RBM19: variants seen among roughly 807,000 people sequenced by gnomAD.
The protein encoded by RBM19 is RNA binding motif protein 19.
A neutral mutation model predicts 116.8 loss-of-function variants in RBM19; 94 were observed. That is an observed-to-expected ratio of 0.80 (90% CI 0.68 to 0.95). The LOEUF (loss-of-function observed/expected upper bound fraction) is 0.95. Among genes scored for constraint, RBM19 ranks in the 40% least tolerant of loss-of-function variants. The pLI is 0.00. For missense variants in RBM19, 1,161 were observed against 1,220.7 expected, an observed-to-expected ratio of 0.95 and a Z score of 0.73; for synonymous variants, 475 against 494.1, an observed-to-expected ratio of 0.96 and a Z score of 0.51.
rs777329066 is a variant in RBM19, at chr12:113,844,659, C to T, written c.2785+9G>A. On this transcript the variant is annotated intron_variant, in intron 23 of 23. Transcript: ENST00000261741. ...CATGAGTCAGCCCAAAAGACCGTCCCGCTCCTACCGTGAAAGTGAGCGGCC... is the reference window on the plus strand; with the variant it reads ...CATGAGTCAGCCCAAAAGACCGTCCTGCTCCTACCGTGAAAGTGAGCGGCC... The T allele has an allele frequency of 1.2e-5, 20 of 1,608,590 alleles. No homozygotes were observed. The highest frequency in any genetic ancestry group is 4.4e-5 in the South Asian group (4 of 90,086).
chr12:113,915,035 G>T lies in RBM19; in HGVS notation c.2492C>A (p.Thr831Asn). The stretch of plus-strand genomic sequence containing the variant: ...GATGTTCCGCACCAGGATCTTGGAG[G>T]TGGTCTGCTTTCTGGGAACTTGTTT... ...RKKQVPRKQTTSKILVRNIPF... is the reference protein window; with the variant it reads ...RKKQVPRKQTNSKILVRNIPF... Residue 831 changes from threonine to asparagine, a missense_variant, in exon 21 of 24, where the codon ACC becomes AAC. Coordinates refer to ENST00000261741, the MANE Select transcript of RBM19 (RefSeq NM_016196.4). The T allele has an allele frequency of 6.2e-7, 1 of 1,614,240 alleles. No individual in the cohort carries two copies. Among genetic ancestry groups the T allele is most frequent in the African/African-American group, 1.3e-5 (1 of 75,054 alleles).
rs138297444 is a variant in RBM19 at position 113,909,910 on chromosome 12, C to T, written c.2558+5059G>A. ...CATACTTGACTCATCTTTTATCACC[C>T]AGCTGTCAGGCAGGGCTTTTCATCC... On this transcript the variant is annotated intron_variant, in intron 21 of 23. Transcript: ENST00000261741. Among the ~76,000 whole-genome samples, 678 of 152,336 alleles carry T rather than the reference C, an allele frequency of 4.5e-3. 6 individuals are homozygous for T. Among genetic ancestry groups the T allele is most frequent in the African/African-American group, 0.015 (624 of 41,578 alleles).
chr12:113,933,066 C>A (rs138800254), intron 16 of RBM19, among the ~76,000 whole-genome samples: 1 of 152,148 alleles, frequency 6.6e-6, no homozygotes, highest in Non-Finnish European at 1.5e-5. Context: ...GACCTCCCCC[C>A]ACTCTGAGCC....
intron 1 of RBM19, among the ~76,000 whole-genome samples, chr12:113,964,471 C>T (rs138490188): frequency 6.6e-6 from 1 of 152,304 alleles, no homozygotes; most frequent in Non-Finnish European, 1.5e-5. Flanking sequence ...GAGTCAACTA[C>T]ACTGTGAAGT....
chr12:113,830,593 GCT>G, intron 23 of RBM19, among the ~76,000 whole-genome samples: 1 of 58,012 alleles, frequency 1.7e-5, no homozygotes, highest in East Asian at 8.1e-4. Flanking sequence ...GGGGGGGTGG[GCT>G]ATGCCTGGGG....
intron 23 of RBM19, among the ~76,000 whole-genome samples, chr12:113,827,334 C>T (rs73393034): frequency 0.19 from 29,254 of 151,848 alleles, 2,989 homozygotes; most frequent in Middle Eastern, 0.3. Flanking sequence ...AGTCCTGCCC[C>T]CCTCCCCACC....
At chr12:113,844,484 G>A (rs1018016001) in intron 23 of RBM19, among the ~76,000 whole-genome samples, 184 bp downstream of exon 23, 2 of 152,170 alleles carry the variant, frequency 1.3e-5, no homozygotes, top group African/African-American at 2.4e-5. Flanking sequence ...TCCCGGCAGG[G>A]AGTGCCCAAG....
Position 113,963,272 on chromosome 12 carries a change from T to C in RBM19, c.37-858A>G, listed in dbSNP as rs190193412. Among the ~76,000 whole-genome samples the C allele has an allele frequency of 2.7e-3, 405 of 152,320 alleles. 2 individuals are homozygous for C. The highest frequency in any genetic ancestry group is 0.014 in the Middle Eastern group (4 of 294). On this transcript the variant is annotated intron_variant, in intron 1 of 23. Transcript: ENST00000261741. ...CTAACACACTATTATTATAATTTGG[T>C]CAAGAAGCCCCACACTATGGAAAAC... is the stretch of plus-strand genomic sequence containing the variant.
chr12:113,838,836 C>T (rs1876189757), intron 23 of RBM19, among the ~76,000 whole-genome samples: 1 of 152,206 alleles, frequency 6.6e-6, no homozygotes, highest in Non-Finnish European at 1.5e-5. Context: ...GGGGCAGGGG[C>T]ACTCAAGGGT....
intron 23 of RBM19, among the ~76,000 whole-genome samples, chr12:113,828,330 G>T (rs1157846423): frequency 6.6e-6 from 1 of 152,138 alleles, no homozygotes; most frequent in African/African-American, 2.4e-5. Flanking sequence ...CTGCCTACAG[G>T]TAACTGATGA....
At chr12:113,839,899 GCT>G (rs1197830448) in intron 23 of RBM19, among the ~76,000 whole-genome samples, 1 of 152,152 alleles carries the variant, frequency 6.6e-6, no homozygotes, top group African/African-American at 2.4e-5. Context: ...CAAAGTTGAT[GCT>G]CTTTTTCCTA....
At chr12:113,892,451 G>A (rs1881023944) in intron 21 of RBM19, among the ~76,000 whole-genome samples, 2 of 152,160 alleles carry the variant, frequency 1.3e-5, no homozygotes, top group Admixed American at 1.3e-4. Context: ...AAACTCTCAG[G>A]AATGAGATTC....
chr12:113,916,700 AG>A (rs1882796484), intron 20 of RBM19, among the ~76,000 whole-genome samples: 1 of 152,208 alleles, frequency 6.6e-6, no homozygotes, highest in Non-Finnish European at 1.5e-5. Context: ...TCCCAGAAAG[AG>A]ATCCCCAAGG....
chr12:113,905,864 A>C (rs1240987644), intron 21 of RBM19, among the ~76,000 whole-genome samples: 2 of 152,226 alleles, frequency 1.3e-5, no homozygotes, highest in East Asian at 3.8e-4. Flanking sequence ...AAAATATTTG[A>C]CTTCCTGAAC....
intron 21 of RBM19, among the ~76,000 whole-genome samples, chr12:113,886,797 T>C (rs1258994914): frequency 6.6e-6 from 1 of 152,228 alleles, no homozygotes; most frequent in Non-Finnish European, 1.5e-5. Flanking sequence ...AGAGAATCCA[T>C]TAGTTCCAAC....
chr12:113,826,547 C>G (rs1874871672), intron 23 of RBM19, among the ~76,000 whole-genome samples: 1 of 152,222 alleles, frequency 6.6e-6, no homozygotes, highest in African/African-American at 2.4e-5. Context: ...ACGGAGACAC[C>G]TGCAGCACCT....
At position 113,959,286 on chromosome 12, in the gene RBM19, G is replaced by A. The variant is rs932776326; in HGVS notation, c.497C>T (p.Ala166Val). 1.9e-6 allele frequency: 3 copies of A among 1,613,878 alleles called. No homozygotes were observed. The highest frequency in any genetic ancestry group is 3.3e-5 in the Admixed American group (2 of 60,004). The change falls in exon 5 of 24, where the codon GCC (alanine) becomes GTC (valine). Residue 166 changes from alanine (A) to valine (V), a missense_variant. Transcript: ENST00000261741. ...GGAGTCGAAGTTCAGGTAGTCACTGGCCGGCTTGCTCTTCCCTTTCGAGGG... is the reference window on the plus strand; with the variant it reads ...GGAGTCGAAGTTCAGGTAGTCACTGACCGGCTTGCTCTTCCCTTTCGAGGG... Reference protein sequence around the residue: ...AEPSKGKSKPASDYLNFDSDS... With the variant: ...AEPSKGKSKPVSDYLNFDSDS...
chr12:113,947,497 G>A (rs747507276), intron 10 of RBM19, 33 bp from the exon 11 acceptor site: 3 of 1,568,874 alleles, frequency 1.9e-6, no homozygotes, highest in South Asian at 1.1e-5. Context: ...TCTCTGGTAG[G>A]CCGCAGCCAC....
At position 113,944,105 on chromosome 12, in the gene RBM19, T is replaced by TG. The variant is rs1207047924; in HGVS notation, c.1627-1672_1627-1671insC. Among the ~76,000 whole-genome samples, 354 of 138,648 alleles carry TG rather than the reference T, an allele frequency of 2.6e-3. 5 individuals are homozygous for TG. The highest frequency in any genetic ancestry group is 4.0e-3 in the Non-Finnish European group (254 of 64,252). The allele number at this position is 138,648 out of a possible 152,430, so 91.0% of individuals were successfully genotyped here. A position where few individuals can be genotyped will look rare whatever the true frequency, so the allele number is the denominator to read the frequency against. On this transcript the variant is annotated intron_variant, in intron 13 of 23. Transcript: ENST00000261741. ...ACTCCAGATGCATGTTTTTTTTTTT[T>TG]TTTTTTTTTTTTGGGGCAGACTCTC... is the stretch of plus-strand genomic sequence containing the variant.
Sources: gnomAD v4.1 joint callset for allele counts (sites outside exome capture counted in the v4.1 genomes callset) on GRCh38, gnomAD v4.1.1 for gene constraint, MANE v1.5 for transcripts, NCBI Gene and HGNC (gene_info 2026-07-23, HGNC 2026-07-21) for gene names.